The following CNIH4 variants were observed in gnomAD, a reference collection of about 807,000 sequenced individuals.
CNIH4 encodes cornichon family member 4.
A neutral mutation model predicts 21.5 loss-of-function variants in CNIH4; 9 were observed. That is an observed-to-expected ratio of 0.42 (90% CI 0.25 to 0.73). The LOEUF (loss-of-function observed/expected upper bound fraction) is 0.73, where lower values mean the gene tolerates loss of function less well. Among genes scored for constraint, CNIH4 ranks in the 30% least tolerant of loss-of-function variants. CNIH4 has a pLI of 0.27. For missense variants in CNIH4, 159 were observed against 170.0 expected (o/e 0.94, Z 0.36); for synonymous variants, 67 against 59.1 (o/e 1.13, Z -0.61).
chr1:224,357,913 C>A (rs1222040496), intron 1 of CNIH4, among the ~76,000 whole-genome samples: 2 of 152,202 alleles, frequency 1.3e-5, no homozygotes, highest in African/African-American at 2.4e-5. Flanking sequence ...TTGCACCATC[C>A]AGGTTTAAGT....
intron 3 of CNIH4, 71 bp from the exon 4 acceptor site, chr1:224,371,212 C>A: frequency 1.4e-6 from 2 of 1,472,612 alleles, no homozygotes; most frequent in Non-Finnish European, 1.9e-6. Context: ...TTATTATTGG[C>A]TACTTATATT....
intron 3 of CNIH4, among the ~76,000 whole-genome samples, chr1:224,368,988 G>A (rs1164927687): frequency 6.7e-6 from 1 of 149,106 alleles, no homozygotes; most frequent in Non-Finnish European, 1.5e-5. Flanking sequence ...GTATACAGCT[G>A]TAGAGTTCCC....
intron 1 of CNIH4, among the ~76,000 whole-genome samples, chr1:224,360,214 AT>A (rs61520460): frequency 1.8e-3 from 249 of 140,508 alleles, no homozygotes; most frequent in Middle Eastern, 3.6e-3. Context: ...GATATTTCCC[AT>A]TTTTTTTTTT....
At chr1:224,369,562 C>T (rs577239807) in intron 3 of CNIH4, among the ~76,000 whole-genome samples, 17 of 151,896 alleles carry the variant, frequency 1.1e-4, no homozygotes, top group African/African-American at 2.7e-4. Flanking sequence ...GGCAACAGAG[C>T]GAGATTACGT....
At position 224,375,664 on chromosome 1, in the gene CNIH4, G is replaced by A. The variant is rs1672761093; in HGVS notation, c.393-131G>A. 36 of 948,398 alleles carry A rather than the reference G, an allele frequency of 3.8e-5. No homozygotes were observed. In the Middle Eastern group the frequency reaches 8.9e-4, roughly 23 times the overall value. 58.7% of individuals were successfully genotyped at this position (948,398 alleles called of 1,614,324 possible). ...AGATCCTAATATATTCTTTCCTTTGGGTATGAATGATTGTCTTTTACTCAA... is the reference window on the plus strand; with the variant it reads ...AGATCCTAATATATTCTTTCCTTTGAGTATGAATGATTGTCTTTTACTCAA... On this transcript the variant is annotated intron_variant, in intron 4 of 4. Coordinates refer to ENST00000465271, the MANE Select transcript of CNIH4 (RefSeq NM_014184.4).
At chr1:224,373,549 G>A (rs1672694403) in intron 4 of CNIH4, among the ~76,000 whole-genome samples, 1 of 152,050 alleles carries the variant, frequency 6.6e-6, no homozygotes, top group African/African-American at 2.4e-5. Flanking sequence ...GTGGGGAGTG[G>A]CTGGGCTCGG....
chr1:224,373,612 A>G (rs1672696520), intron 4 of CNIH4, among the ~76,000 whole-genome samples: 1 of 151,852 alleles, frequency 6.6e-6, no homozygotes. Flanking sequence ...GGTGGATCAC[A>G]AGGTCAGGAG....
At chr1:224,368,317 C>T (rs1463895042) in intron 3 of CNIH4, among the ~76,000 whole-genome samples, 9 of 152,172 alleles carry the variant, frequency 5.9e-5, no homozygotes, top group South Asian at 4.1e-4. Flanking sequence ...GGAAACAGAG[C>T]GAGACCCAGC....
intron 1 of CNIH4, among the ~76,000 whole-genome samples, chr1:224,360,006 C>T (rs566730972): frequency 2.0e-5 from 3 of 152,176 alleles, no homozygotes; most frequent in Admixed American, 6.5e-5. Context: ...GGTGGTGGCG[C>T]GCACCTATAG....
Position 224,356,956 on chromosome 1 carries a change from T to A in CNIH4, c.32T>A (p.Leu11His). 6.2e-7 allele frequency: 1 copy of A among 1,612,552 alleles called. No homozygotes were observed. The highest frequency in any genetic ancestry group is 1.1e-5 in the South Asian group (1 of 90,622). Residue 11 changes from leucine to histidine, a missense_variant, in exon 1 of 5, where the codon CTC becomes CAC. Physicochemically the swap from Leu to His is moderately conservative, Grantham distance 99 (BLOSUM62 -3). Coordinates refer to ENST00000465271, the MANE Select transcript of CNIH4 (RefSeq NM_014184.4). ...GCGGTGGTGTTCGTCTTCTCTCTCC[T>A]CGATTGTTGCGCGCTCATCTTCCTC... The part of the protein sequence containing the change: MEAVVFVFSL[L>H]DCCALIFLSV...
chr1:224,375,644 C>G, intron 4 of CNIH4, 151 bp from the exon 5 acceptor site: 1 of 797,114 alleles, frequency 1.3e-6, no homozygotes, highest in Non-Finnish European at 1.9e-6. Flanking sequence ...ATGAAAGATC[C>G]TAATATATTC....
rs1672626154 is a variant in CNIH4, at chr1:224,371,456, C to A, written c.392+33C>A. The stretch of plus-strand genomic sequence containing the variant: ...TAAAGTCCTGGTATTTTCCTAGATG[C>A]CATATTTGTTTTTGAAGGGTGAGAT... On this transcript the variant is annotated intron_variant, in intron 4 of 4. Transcript: ENST00000465271. 7 of 1,595,048 alleles carry A rather than the reference C, an allele frequency of 4.4e-6. No homozygotes were observed. The South Asian group carries it at 7.9e-5, about 18-fold the overall frequency.
Position 224,376,250 on chromosome 1 carries a change from T to TA in CNIH4, c.*429dup, listed in dbSNP as rs1331220324. The TA allele has an allele frequency of 2.9e-5, 29 of 988,052 alleles. No homozygotes were observed. The highest frequency in any genetic ancestry group is 1.2e-4 in the Admixed American group (2 of 16,354). 61.2% of individuals were successfully genotyped at this position (988,052 alleles called of 1,614,324 possible). A position where few individuals can be genotyped will look rare whatever the true frequency, so the allele number is the denominator to read the frequency against. ...TTGATCTGGACAAAAGAAGAAAAAT[T>TA]ACCCTTTTTGCTTGTGTTGTGACAA... On this transcript the variant is annotated 3_prime_UTR_variant, in exon 5 of 5. Transcript: ENST00000465271.
chr1:224,370,096 A>G (rs890340743), intron 3 of CNIH4, among the ~76,000 whole-genome samples: 1 of 152,190 alleles, frequency 6.6e-6, no homozygotes, highest in African/African-American at 2.4e-5. Flanking sequence ...CAAAAAGGAA[A>G]AAAAAGACAG....
Position 224,377,476 on chromosome 1 carries a change from C to T in CNIH4, c.*1654C>T, listed in dbSNP as rs6693287. ...AACTGAGAGATAAGCTACTTAAAGGCGGTAGAGATCTTTTTTTTTTTTTTT... is the reference window on the plus strand; with the variant it reads ...AACTGAGAGATAAGCTACTTAAAGGTGGTAGAGATCTTTTTTTTTTTTTTT... On this transcript the variant is annotated 3_prime_UTR_variant, in exon 5 of 5. Transcript: ENST00000465271. The T allele has an allele frequency of 0.29, 43,322 of 150,538 alleles. 7,814 individuals are homozygous for T. Among genetic ancestry groups the T allele is most frequent in the African/African-American group, 0.5 (20,626 of 40,916 alleles). The allele number at this position is 150,538 out of a possible 1,614,324, so 9.3% of individuals were successfully genotyped here.
At chr1:224,371,169 A>G (rs1424793243) in intron 3 of CNIH4, 114 bp from the exon 4 acceptor site, 1 of 1,101,618 alleles carries the variant, frequency 9.1e-7, no homozygotes, top group African/African-American at 1.6e-5. Flanking sequence ...GAGCCACAGT[A>G]CTGGGCCTGA....
rs1386907701 is a variant in CNIH4 at position 224,379,205 on chromosome 1, A to G, written c.*3383A>G. The G allele has an allele frequency of 1.8e-6, 2 of 1,081,426 alleles. No individual in the cohort carries two copies. Among genetic ancestry groups the G allele is most frequent in the Non-Finnish European group, 2.8e-6 (2 of 722,942 alleles). 67.0% of individuals were successfully genotyped at this position (1,081,426 alleles called of 1,614,324 possible). ...TTTCATGCCTGCCACAGACTACAGT[A>G]GGACAAAACCTGACCTGGTCTTTGA... is the stretch of plus-strand genomic sequence containing the variant. On this transcript the variant is annotated 3_prime_UTR_variant, in exon 5 of 5. Coordinates refer to ENST00000465271, the MANE Select transcript of CNIH4 (RefSeq NM_014184.4).
In CNIH4 at chr1:224,379,268, C is replaced by G. The variant is rs1217484233; in HGVS notation, c.*3446C>G. 1 of 626,170 alleles carries G rather than the reference C, an allele frequency of 1.6e-6. No homozygotes were observed. Among genetic ancestry groups the G allele is most frequent in the Admixed American group, 2.7e-5 (1 of 36,928 alleles). 38.8% of individuals were successfully genotyped at this position (626,170 alleles called of 1,614,324 possible). A position where few individuals can be genotyped will look rare whatever the true frequency, so the allele number is the denominator to read the frequency against. ...AGAAAGCTTCCTATAGTAGTATCTC[C>G]CATGGCACTTACCACATTCTATCTG... On this transcript the variant is annotated 3_prime_UTR_variant, in exon 5 of 5. Transcript: ENST00000465271.
chr1:224,360,808 C>T (rs1364480519), intron 2 of CNIH4, among the ~76,000 whole-genome samples: 1 of 152,128 alleles, frequency 6.6e-6, no homozygotes, highest in African/African-American at 2.4e-5. Context: ...AGCATCTTTA[C>T]TCAGAGTAGG....
Sources: gnomAD v4.1 joint callset for allele counts (sites outside exome capture counted in the v4.1 genomes callset) on GRCh38, gnomAD v4.1.1 for gene constraint, MANE v1.5 for transcripts, NCBI Gene and HGNC (gene_info 2026-07-23, HGNC 2026-07-21) for gene names.